The following RPS6KC1 variants were observed in gnomAD, a reference collection of about 807,000 sequenced individuals.
The protein encoded by RPS6KC1 is inactive ribosomal protein S6 kinase delta-1.
A neutral mutation model predicts 103.8 loss-of-function variants in RPS6KC1; 54 were observed. That is an observed-to-expected ratio of 0.52 (90% confidence interval 0.42 to 0.65). The LOEUF (loss-of-function observed/expected upper bound fraction) is 0.65. Ranked by LOEUF, RPS6KC1 falls within the 30% of genes least tolerant of loss-of-function variation. The probability of loss-of-function intolerance (pLI) is 0.00; values close to 1 mark genes in which losing one functional copy is unlikely to be tolerated. For synonymous variants in RPS6KC1, 439 were observed against 438.7 expected (o/e 1.00, Z -0.01); for missense variants, 1,151 against 1,253.8 (o/e 0.92, Z 1.24).
chr1:213,606,070 G>A, the RPS6KC1 span, among the ~76,000 whole-genome samples: 847 of 152,298 alleles, frequency 5.6e-3, 6 homozygotes, highest in African/African-American at 0.02. Context: ...CTGAGACAGA[G>A]CAAAGGCAAT....
chr1:213,479,027 T>G, the RPS6KC1 span, among the ~76,000 whole-genome samples: 1 of 150,472 alleles, frequency 6.6e-6, no homozygotes, highest in African/African-American at 2.5e-5. Flanking sequence ...TACTGCAAAT[T>G]ACATTTTTCA....
At chr1:213,323,879 T>C in the RPS6KC1 span, among the ~76,000 whole-genome samples, 1 of 152,210 alleles carries the variant, frequency 6.6e-6, no homozygotes, top group Non-Finnish European at 1.5e-5. Context: ...ATAATCATCA[T>C]CATCATTAGG....
chr1:213,181,384 A>G (rs1333665494), intron 8 of RPS6KC1, among the ~76,000 whole-genome samples: 1 of 152,356 alleles, frequency 6.6e-6, no homozygotes, highest in East Asian at 1.9e-4. Flanking sequence ...TGTAATCAAG[A>G]TAGCTTCCCA....
the RPS6KC1 span, among the ~76,000 whole-genome samples, chr1:213,440,593 T>TG: frequency 2.0e-5 from 2 of 100,384 alleles, no homozygotes; most frequent in South Asian, 7.9e-4. Context: ...TTAATGGAAC[T>TG]AAAAAAAAAA....
the RPS6KC1 span, among the ~76,000 whole-genome samples, chr1:213,717,053 T>C: frequency 6.6e-6 from 1 of 152,208 alleles, no homozygotes; most frequent in South Asian, 2.1e-4. Flanking sequence ...CCAAATCTTT[T>C]TTTCCTGATG....
the RPS6KC1 span, among the ~76,000 whole-genome samples, chr1:213,730,807 T>C: frequency 6.6e-6 from 1 of 152,258 alleles, no homozygotes; most frequent in Non-Finnish European, 1.5e-5. Flanking sequence ...TTTGCTTTTG[T>C]TGCAATTGCT....
At chr1:213,483,202 C>A in the RPS6KC1 span, among the ~76,000 whole-genome samples, 1 of 152,118 alleles carries the variant, frequency 6.6e-6, no homozygotes, top group African/African-American at 2.4e-5. Flanking sequence ...ATGAAACCAT[C>A]AGATCTCATG....
the RPS6KC1 span, among the ~76,000 whole-genome samples, chr1:213,696,427 G>A: frequency 2.6e-4 from 39 of 149,796 alleles, no homozygotes; most frequent in African/African-American, 1.0e-4. Context: ...GCTTGAACCC[G>A]GGAGGCGGAG....
At chr1:213,260,357 C>T (rs1160413066) in intron 12 of RPS6KC1, among the ~76,000 whole-genome samples, 1 of 152,054 alleles carries the variant, frequency 6.6e-6, no homozygotes, top group East Asian at 1.9e-4. Context: ...GCTGTTTGAA[C>T]CTCAGAAAAA....
the RPS6KC1 span, among the ~76,000 whole-genome samples, chr1:213,646,957 G>T: frequency 8.6e-5 from 13 of 151,802 alleles, no homozygotes; most frequent in Non-Finnish European, 1.9e-4. Context: ...GAGTGCAGTA[G>T]CATGATCTGA....
chr1:213,458,788 A>G, the RPS6KC1 span, among the ~76,000 whole-genome samples: 44 of 152,284 alleles, frequency 2.9e-4, no homozygotes, highest in Admixed American at 1.3e-3. Context: ...CATTCCGTCA[A>G]TACCTAGTTT....
intron 6 of RPS6KC1, among the ~76,000 whole-genome samples, chr1:213,161,258 G>A (rs1181407617): frequency 6.6e-6 from 1 of 152,132 alleles, no homozygotes; most frequent in Non-Finnish European, 1.5e-5. Flanking sequence ...TGTTAGGGAG[G>A]ATTTTCTCTG....
chr1:213,146,658 C>G (rs554407567), intron 6 of RPS6KC1, among the ~76,000 whole-genome samples: 31 of 151,960 alleles, frequency 2.0e-4, no homozygotes, highest in African/African-American at 7.2e-4. Context: ...ATCTCCTGAC[C>G]TTGTGATCTG....
the RPS6KC1 span, among the ~76,000 whole-genome samples, chr1:213,482,541 T>G: frequency 3.2e-5 from 2 of 62,468 alleles, no homozygotes; most frequent in African/African-American, 1.6e-4. Flanking sequence ...TAACTTGAGG[T>G]TTTTTTTTTT....
the RPS6KC1 span, among the ~76,000 whole-genome samples, chr1:213,712,956 C>T: frequency 2.6e-5 from 4 of 152,192 alleles, no homozygotes; most frequent in African/African-American, 9.6e-5. Flanking sequence ...TGTTCCTATT[C>T]TGCCATCTTG....
the RPS6KC1 span, among the ~76,000 whole-genome samples, chr1:213,599,577 G>A: frequency 1.3e-5 from 2 of 152,230 alleles, no homozygotes; most frequent in Non-Finnish European, 2.9e-5. Flanking sequence ...TGGCTGCAAT[G>A]AAGAGATAGT....
At chr1:213,201,471 G>T (rs552052276) in intron 8 of RPS6KC1, among the ~76,000 whole-genome samples, 1 of 152,292 alleles carries the variant, frequency 6.6e-6, no homozygotes, top group East Asian at 1.9e-4. Context: ...GATGAGTGGT[G>T]GAGTGCAGAG....
At chr1:213,753,910 G>A in the RPS6KC1 span, among the ~76,000 whole-genome samples, 1 of 152,290 alleles carries the variant, frequency 6.6e-6, no homozygotes, top group African/African-American at 2.4e-5. Flanking sequence ...GGGGATACAG[G>A]CAAGCGCTGG....
At chr1:213,709,824 C>T in the RPS6KC1 span, among the ~76,000 whole-genome samples, 23 of 152,216 alleles carry the variant, frequency 1.5e-4, no homozygotes, top group East Asian at 3.3e-3. Context: ...TGTAGTTGTG[C>T]GGTTTTGAGT....
Sources: gnomAD v4.1 joint callset for allele counts (sites outside exome capture counted in the v4.1 genomes callset) on GRCh38, gnomAD v4.1.1 for gene constraint, MANE v1.5 for transcripts, NCBI Gene and HGNC (gene_info 2026-07-23, HGNC 2026-07-21) for gene names.